KRT28: variants seen among roughly 807,000 people sequenced by gnomAD.
The protein encoded by KRT28 is keratin, type I cytoskeletal 28.
Under a neutral mutation model 48.1 loss-of-function variants are expected in KRT28, and 45 were observed. The ratio of observed to expected loss-of-function variants is 0.94; its 90% confidence interval spans 0.74 to 1.20. KRT28 has a LOEUF of 1.20. Ranked by LOEUF, KRT28 falls within the 50% of genes most tolerant of loss-of-function variation. The pLI, the probability that KRT28 is intolerant of heterozygous loss-of-function variation, is 0.00. For missense variants in KRT28, 571 were observed against 574.1 expected (o/e 0.99, Z 0.06); for synonymous variants, 228 against 227.4 (o/e 1.00, Z -0.03).
Position 40,799,546 on chromosome 17 carries a change from T to G in KRT28, c.348A>C (p.Arg116Ser), listed in dbSNP as rs1465788674. The G allele has an allele frequency of 6.2e-7, 1 of 1,614,234 alleles. No homozygotes were observed. Residue 116 changes from arginine (R) to serine (S), a missense_variant, in exon 1 of 8, where the codon AGA becomes AGC. Physicochemically the swap from Arg to Ser is moderately radical, Grantham distance 110 (BLOSUM62 -1). Transcript: ENST00000306658. ...ALEEANAELE[R>S]KIKGWYEKYG... ...ATTTTTCATACCAACCCTTGATTTT[T>G]CTCTCTAATTCAGCATTTGCCTCCT...
At chr17:40,796,772 G>GT (rs1305123043) in intron 5 of KRT28, 144 bp downstream of exon 5, 3 of 1,130,250 alleles carry the variant, frequency 2.7e-6, no homozygotes, top group African/African-American at 3.1e-5. Context: ...CTATGCATCT[G>GT]TTTTTTCCTG....
intron 5 of KRT28, 79 bp from the exon 6 acceptor site, chr17:40,794,125 A>C: frequency 6.6e-7 from 1 of 1,523,596 alleles, no homozygotes; most frequent in Non-Finnish European, 9.0e-7. Context: ...AGTAATCAGC[A>C]GGATTGCTCC....
At chr17:40,799,354 C>G (rs1397642148) in intron 1 of KRT28, 90 bp downstream of exon 1, 8 of 1,034,996 alleles carry the variant, frequency 7.7e-6, no homozygotes, top group Non-Finnish European at 1.1e-5. Context: ...CAAGTTATAA[C>G]AGTCATGAAG....
chr17:40,792,325 T>A lies in KRT28; in HGVS notation c.*102A>T. 1 of 912,820 alleles carries A rather than the reference T, an allele frequency of 1.1e-6. No individual in the cohort carries two copies. Among genetic ancestry groups the A allele is most frequent in the Non-Finnish European group, 1.6e-6 (1 of 644,126 alleles). The allele number at this position is 912,820 out of a possible 1,614,324, so 56.5% of individuals were successfully genotyped here. ...GAAAACAGGTATTTTTGCTAAGTAATGTATCTTTAAAAGTAAAAAGTGTGT... is the reference window on the plus strand; with the variant it reads ...GAAAACAGGTATTTTTGCTAAGTAAAGTATCTTTAAAAGTAAAAAGTGTGT... On this transcript the variant is annotated 3_prime_UTR_variant, in exon 8 of 8. Coordinates refer to ENST00000306658, the MANE Select transcript of KRT28 (RefSeq NM_181535.3).
chr17:40,793,112 AAAAAGAAAAG>A (rs542338111), intron 7 of KRT28, 33 bp downstream of exon 7: 15 of 1,386,342 alleles, frequency 1.1e-5, no homozygotes, highest in Admixed American at 9.1e-5. Flanking sequence ...AAAAATTTAA[AAAAAGAAAAG>A]AAAAGAAAAG....
At chr17:40,792,928 C>T (rs962967286) in intron 7 of KRT28, among the ~76,000 whole-genome samples, 1 of 151,942 alleles carries the variant, frequency 6.6e-6, no homozygotes, top group East Asian at 1.9e-4. Context: ...GGTGAAACTC[C>T]GTCTCTATTA....
intron 3 of KRT28, 114 bp from the exon 4 acceptor site, chr17:40,797,395 T>C (rs1419822707): frequency 1.0e-6 from 1 of 973,400 alleles, no homozygotes; most frequent in African/African-American, 1.6e-5. Flanking sequence ...GTATAATTTA[T>C]GGCACACAAT....
At chr17:40,798,017 T>C (rs1904656635) in intron 3 of KRT28, among the ~76,000 whole-genome samples, 1 of 152,346 alleles carries the variant, frequency 6.6e-6, no homozygotes, top group Non-Finnish European at 1.5e-5. Flanking sequence ...GTGATTATTA[T>C]AGGCCAGGCA....
chr17:40,796,474 G>C (rs148920093), intron 5 of KRT28, among the ~76,000 whole-genome samples: 504 of 152,290 alleles, frequency 3.3e-3, no homozygotes, highest in African/African-American at 0.012. Flanking sequence ...CCTCTGCCTG[G>C]TGAAACCACA....
At chr17:40,793,300 C>G in intron 6 of KRT28, 90 bp from the exon 7 acceptor site, 1 of 773,718 alleles carries the variant, frequency 1.3e-6, no homozygotes, top group Non-Finnish European at 2.0e-6. Flanking sequence ...ATTTGTATGC[C>G]AAAAACAGGT....
rs766896703 is a variant in KRT28 at position 40,793,139 on chromosome 17, A to T, written c.1252+16T>A. ...AAAGAAAAGAAAAGAAAAGAAATAG[A>T]ACTAGATTTTATTACCTTTAGATGA... On this transcript the variant is annotated intron_variant, in intron 7 of 7. Coordinates refer to ENST00000306658, the MANE Select transcript of KRT28 (RefSeq NM_181535.3). 4.6e-6 allele frequency: 7 copies of T among 1,508,142 alleles called. No homozygotes were observed. Among genetic ancestry groups the T allele is most frequent in the Non-Finnish European group, 6.3e-6 (7 of 1,111,294 alleles). 93.4% of individuals were successfully genotyped at this position (1,508,142 alleles called of 1,614,324 possible).
Position 40,792,529 on chromosome 17 carries a change from C to T in KRT28, c.1293G>A (p.Glu431=). Residue 431 remains glutamate (E), a synonymous_variant, in exon 8 of 8, where the codon GAG becomes GAA. Coordinates refer to ENST00000306658, the MANE Select transcript of KRT28 (RefSeq NM_181535.3). ...KTTLVKTVVE[E]LDQRGKVLSS... ...AAAGAACTTTACCACGTTGATCTAGCTCTTCAACCACTGTCTTTACCAGTG... is the reference window on the plus strand; with the variant it reads ...AAAGAACTTTACCACGTTGATCTAGTTCTTCAACCACTGTCTTTACCAGTG... The T allele has an allele frequency of 1.2e-6, 2 of 1,613,234 alleles. No individual in the cohort carries two copies. The highest frequency in any genetic ancestry group is 1.7e-6 in the Non-Finnish European group (2 of 1,179,588).
At position 40,793,205 on chromosome 17, in the gene KRT28, C is replaced by T; in HGVS notation, c.1202G>A (p.Cys401Tyr). 1 of 1,548,022 alleles carries T rather than the reference C, an allele frequency of 6.5e-7. No homozygotes were observed. Among genetic ancestry groups the T allele is most frequent in the Non-Finnish European group, 8.7e-7 (1 of 1,145,116 alleles). The change falls in exon 7 of 8, where the codon TGC (cysteine) becomes TAC (tyrosine). Residue 401 changes from cysteine to tyrosine, a missense_variant. Cys to Tyr is a radical substitution (Grantham distance 194). Transcript: ENST00000306658. Reference sequence around the variant, plus strand: ...TGATCCAAAGCCCTTTGATTTGGAGCATGAACTGTAAAAGAAATATAGTTT... The same window carrying T: ...TGATCCAAAGCCCTTTGATTTGGAGTATGAACTGTAAAAGAAATATAGTTT... ...CRLIDGDGNSCSKSKGFGSGS... is the reference protein window; with the variant it reads ...CRLIDGDGNSYSKSKGFGSGS...
chr17:40,797,059 A>T lies in KRT28; in HGVS notation c.853-18T>A, dbSNP rs1904628737. On this transcript the variant is annotated intron_variant, in intron 4 of 7. Transcript: ENST00000306658. ...GAGGCGCTCTGTAGGGCCGGGAAAA[A>T]GGGTCACACGGAGTCCCCACCCCCG... The T allele has an allele frequency of 6.2e-7, 1 of 1,607,402 alleles. No homozygotes were observed. Among genetic ancestry groups the T allele is most frequent in the East Asian group, 2.2e-5 (1 of 44,788 alleles).
intron 1 of KRT28, 77 bp downstream of exon 1, chr17:40,799,367 T>G: frequency 8.8e-7 from 1 of 1,141,772 alleles, no homozygotes; most frequent in Non-Finnish European, 1.2e-6. Context: ...TCATGAAGCA[T>G]TTCTTATTGT....
At position 40,793,885 on chromosome 17, in the gene KRT28, C is replaced by T. The variant is rs771208891; in HGVS notation, c.1140G>A (p.Lys380=). 6.2e-7 allele frequency: 1 copy of T among 1,613,912 alleles called. No individual in the cohort carries two copies. The highest frequency in any genetic ancestry group is 8.5e-7 in the Non-Finnish European group (1 of 1,179,854). Residue 380 remains lysine, a synonymous_variant, in exon 6 of 8, where the codon AAG becomes AAA. Coordinates refer to ENST00000306658, the MANE Select transcript of KRT28 (RefSeq NM_181535.3). ...TCTCAATTTCTTTTTCCAAGTGGAC[C>T]TTGACATCGAGGAGATGCTCATACT... The part of the protein sequence containing the change: ...KLEYEHLLDV[K]VHLEKEIETY...
chr17:40,792,456 C>T lies in KRT28; in HGVS notation c.1366G>A (p.Gly456Ser), dbSNP rs140459908. Residue 456 changes from glycine (G) to serine (S), a missense_variant, in exon 8 of 8, where the codon GGC becomes AGC. By Grantham distance (56) the Gly-to-Ser change is moderately conservative. Transcript: ENST00000306658. Reference protein sequence around the residue: ...IEEKTSKMTNGKTEQRVPF With the variant: ...IEEKTSKMTNSKTEQRVPF Reference sequence around the variant, plus strand: ...AAAGGAACCCTTTGTTCTGTCTTGCCGTTGGTCATTTTAGATGTCTTTTCT... The same window carrying T: ...AAAGGAACCCTTTGTTCTGTCTTGCTGTTGGTCATTTTAGATGTCTTTTCT... 9.2e-5 allele frequency: 148 copies of T among 1,613,034 alleles called. No homozygotes were observed. The highest frequency in any genetic ancestry group is 6.6e-4 in the Middle Eastern group (4 of 6,058).
chr17:40,792,670 GGAGT>G, intron 7 of KRT28, 101 bp from the exon 8 acceptor site: 1 of 816,606 alleles, frequency 1.2e-6, no homozygotes, highest in East Asian at 2.8e-5. Context: ...TTTGATTGAG[GGAGT>G]AAGTATATAT....
Position 40,794,008 on chromosome 17 carries a change from G to A in KRT28, c.1017C>T (p.Ser339=), listed in dbSNP as rs1322394158. 1 of 1,613,820 alleles carries A rather than the reference G, an allele frequency of 6.2e-7. No individual in the cohort carries two copies. Among genetic ancestry groups the A allele is most frequent in the East Asian group, 2.2e-5 (1 of 44,882 alleles). Residue 339 remains serine (S), a synonymous_variant, in exon 6 of 8, where the codon AGC becomes AGT. Transcript: ENST00000306658. ...TCTGCGCCAGCTGCGTACAGTAGTTGCTCTCGGTCTCTGTCAAGGAGCACT... is the reference window on the plus strand; with the variant it reads ...TCTGCGCCAGCTGCGTACAGTAGTTACTCTCGGTCTCTGTCAAGGAGCACT... ...SLECSLTETE[S]NYCTQLAQIQ...
Sources: gnomAD v4.1 joint callset for allele counts (sites outside exome capture counted in the v4.1 genomes callset) on GRCh38, gnomAD v4.1.1 for gene constraint, MANE v1.5 for transcripts, NCBI Gene and HGNC (gene_info 2026-07-23, HGNC 2026-07-21) for gene names.